Variants in MAP2K4 observed in about 807,000 individuals in gnomAD.
The protein encoded by MAP2K4 is dual specificity mitogen-activated protein kinase kinase 4.
A neutral mutation model predicts 48.5 loss-of-function variants in MAP2K4; 4 were observed. That is an observed-to-expected ratio of 0.08 (90% CI 0.04 to 0.19). The LOEUF is 0.19. Among genes scored for constraint, MAP2K4 ranks in the 10% least tolerant of loss-of-function variants. The probability of loss-of-function intolerance (pLI) is 1.00; values close to 1 mark genes in which losing one functional copy is unlikely to be tolerated. For synonymous variants in MAP2K4, 166 were observed against 173.1 expected (o/e 0.96, Z 0.32); for missense variants, 258 against 493.3 (o/e 0.52, Z 4.52).
At chr17:12,120,925 T>G (rs944841180) in intron 7 of MAP2K4, among the ~76,000 whole-genome samples, 1 of 152,240 alleles carries the variant, frequency 6.6e-6, no homozygotes, top group African/African-American at 2.4e-5. Flanking sequence ...CTGGCGATGC[T>G]ACTGTGCTGC....
chr17:12,120,806 T>A (rs1972663915), intron 7 of MAP2K4, among the ~76,000 whole-genome samples: 5 of 152,150 alleles, frequency 3.3e-5, no homozygotes, highest in Admixed American at 3.3e-4. Flanking sequence ...CCTAAAAAAA[T>A]AAAATACAGT....
rs902000721 is a variant in MAP2K4 at position 12,066,880 on chromosome 17, G to A, written c.218+11889G>A. ...AATTTTTTGTATTTTTAGTAGAGAC[G>A]GGGCTTCACCGTGGTCTCGATCTCC... On this transcript the variant is annotated intron_variant, in intron 2 of 10. Transcript: ENST00000353533. Among the ~76,000 whole-genome samples, 4 of 152,246 alleles carry A rather than the reference G, an allele frequency of 2.6e-5. No homozygotes were observed. In the South Asian group the frequency reaches 6.2e-4, roughly 24 times the overall value.
At chr17:12,084,725 A>G (rs10153303) in intron 3 of MAP2K4, among the ~76,000 whole-genome samples, 49 of 152,310 alleles carry the variant, frequency 3.2e-4, no homozygotes, top group African/African-American at 1.1e-3. Flanking sequence ...ATCAATTAAC[A>G]TATAGATGAG....
chr17:12,115,722 A>G, intron 7 of MAP2K4: 2 of 764,956 alleles, frequency 2.6e-6, no homozygotes, highest in Non-Finnish European at 4.9e-6. Flanking sequence ...AAGCTGGGAA[A>G]ACCACTTAAA....
rs78174925 is a variant in MAP2K4, at chr17:12,133,554, C to G, written c.1040+4267C>G. Among the ~76,000 whole-genome samples the G allele has an allele frequency of 6.2e-3, 946 of 152,232 alleles. 2 individuals carry two copies. Among genetic ancestry groups the G allele is most frequent in the East Asian group, 0.036 (187 of 5,180 alleles). ...GATTTTGCTCTCCTCAGATCTCAGC[C>G]CATATTTTAAACTGTTTCCCAATTT... On this transcript the variant is annotated intron_variant, in intron 9 of 10. Transcript: ENST00000353533.
chr17:12,115,743 C>T, intron 7 of MAP2K4: 1 of 766,450 alleles, frequency 1.3e-6, no homozygotes, highest in South Asian at 1.3e-5. Flanking sequence ...TACATTGTGA[C>T]CTGTGTAATT....
intron 2 of MAP2K4, among the ~76,000 whole-genome samples, chr17:12,058,481 T>C (rs1208688438): frequency 6.6e-6 from 1 of 152,202 alleles, no homozygotes; most frequent in Non-Finnish European, 1.5e-5. Context: ...GTCCCTCATA[T>C]TCACTGCATG....
chr17:12,022,286 T>C (rs1224689375), intron 1 of MAP2K4, among the ~76,000 whole-genome samples: 1 of 151,564 alleles, frequency 6.6e-6, no homozygotes, highest in Non-Finnish European at 1.5e-5. Flanking sequence ...AAACCAGTGA[T>C]AGATATATAG....
At chr17:12,061,735 T>C (rs1270340965) in intron 2 of MAP2K4, among the ~76,000 whole-genome samples, 2 of 152,160 alleles carry the variant, frequency 1.3e-5, no homozygotes, top group African/African-American at 4.8e-5. Flanking sequence ...TCTTAGCTAT[T>C]GATGAGTTTT....
intron 1 of MAP2K4, among the ~76,000 whole-genome samples, chr17:12,054,090 A>G (rs181287245): frequency 1.2e-4 from 18 of 152,256 alleles, no homozygotes; most frequent in Admixed American, 2.0e-4. Context: ...TGAATAAAGC[A>G]TTTTACAAAG....
chr17:12,033,321 T>A (rs1173513331), intron 1 of MAP2K4, among the ~76,000 whole-genome samples: 1 of 149,812 alleles, frequency 6.7e-6, no homozygotes, highest in Non-Finnish European at 1.5e-5. Flanking sequence ...CATTCTTAAG[T>A]ACATTGATTC....
At chr17:12,133,535 G>A (rs1036822023) in intron 9 of MAP2K4, among the ~76,000 whole-genome samples, 1 of 152,142 alleles carries the variant, frequency 6.6e-6, no homozygotes, top group African/African-American at 2.4e-5. Flanking sequence ...AAGTGATTTT[G>A]CTCTCCTCAG....
intron 1 of MAP2K4, among the ~76,000 whole-genome samples, chr17:12,041,748 T>G (rs970727037): frequency 2.0e-5 from 3 of 152,230 alleles, no homozygotes; most frequent in Admixed American, 6.5e-5. Context: ...CTAAAGATGT[T>G]AAATCAAACA....
chr17:12,138,543 A>G (rs560975624), intron 9 of MAP2K4, among the ~76,000 whole-genome samples: 66 of 152,116 alleles, frequency 4.3e-4, no homozygotes, highest in Admixed American at 9.2e-4. Flanking sequence ...TGGTCTTGCT[A>G]TCTCGGGTGG....
At chr17:12,126,545 A>G (rs967741380) in intron 8 of MAP2K4, among the ~76,000 whole-genome samples, 36 of 152,224 alleles carry the variant, frequency 2.4e-4, no homozygotes, top group Non-Finnish European at 3.1e-4. Flanking sequence ...GTAGTCTCAC[A>G]TGGCAGAAGA....
chr17:12,095,930 T>C (rs1181543220), intron 4 of MAP2K4, among the ~76,000 whole-genome samples: 3 of 150,114 alleles, frequency 2.0e-5, no homozygotes, highest in African/African-American at 7.4e-5. Context: ...TGTGTGTGTA[T>C]TTTAGTATTG....
chr17:12,054,153 T>G (rs1970221086), intron 1 of MAP2K4, among the ~76,000 whole-genome samples: 1 of 152,232 alleles, frequency 6.6e-6, no homozygotes, highest in South Asian at 2.1e-4. Flanking sequence ...TCCCTATCTA[T>G]GTATAGAAAA....
At chr17:12,120,968 ATT>A (rs1420387678) in intron 7 of MAP2K4, among the ~76,000 whole-genome samples, 1 of 152,186 alleles carries the variant, frequency 6.6e-6, no homozygotes, top group Non-Finnish European at 1.5e-5. Flanking sequence ...TTTTCACTGT[ATT>A]GATACGTCAT....
intron 2 of MAP2K4, among the ~76,000 whole-genome samples, chr17:12,063,043 G>T (rs1970501832): frequency 6.6e-6 from 1 of 151,754 alleles, no homozygotes; most frequent in Non-Finnish European, 1.5e-5. Context: ...TATTCATCTG[G>T]GATGTGTGTT....
Sources: allele counts gnomAD v4.1 joint callset (sites outside exome capture counted in the v4.1 genomes callset), GRCh38; gene constraint gnomAD v4.1.1; transcripts MANE v1.5; gene names NCBI Gene and HGNC (gene_info 2026-07-23, HGNC 2026-07-21).